Variants in RBFOX1 observed in about 807,000 individuals in gnomAD.
The protein encoded by RBFOX1 is RNA binding fox-1 homolog 1.
A neutral mutation model predicts 57.7 loss-of-function variants in RBFOX1; 8 were observed. The observed-to-expected ratio is 0.14, with a 90% CI of 0.08 to 0.25. The LOEUF is 0.25. Among genes scored for constraint, RBFOX1 ranks in the 10% least tolerant of loss-of-function variants. The pLI is 1.00. For missense variants in RBFOX1, 611 were observed against 548.5 expected (o/e 1.11, Z -1.14); for synonymous variants, 326 against 222.4 (o/e 1.47, Z -4.15).
intron 2 of RBFOX1, among the ~76,000 whole-genome samples, chr16:6,339,122 A>G (rs2084173636): frequency 6.6e-6 from 1 of 152,238 alleles, no homozygotes; most frequent in Admixed American, 6.5e-5. Flanking sequence ...GATTCATTAA[A>G]TGAATATTTT....
At chr16:6,010,154 G>A (rs1248823352) in intron 4 of RBFOX1, among the ~76,000 whole-genome samples, 1 of 152,118 alleles carries the variant, frequency 6.6e-6, no homozygotes, top group Admixed American at 6.5e-5. Flanking sequence ...GGTGTTTTCT[G>A]CTAACATGCA....
chr16:5,991,861 A>T (rs537787831), intron 4 of RBFOX1, among the ~76,000 whole-genome samples: 1 of 152,200 alleles, frequency 6.6e-6, no homozygotes, highest in South Asian at 2.1e-4. Flanking sequence ...GATATGGTGT[A>T]TCTGATGCTC....
At chr16:7,203,112 A>G (rs1008155381) in intron 4 of RBFOX1, among the ~76,000 whole-genome samples, 2 of 152,222 alleles carry the variant, frequency 1.3e-5, no homozygotes, top group Non-Finnish European at 2.9e-5. Context: ...ACTCATATTC[A>G]TAACAGCTAA....
intron 3 of RBFOX1, among the ~76,000 whole-genome samples, chr16:5,656,489 A>G (rs2049434478): frequency 6.6e-6 from 1 of 152,312 alleles, no homozygotes; most frequent in Admixed American, 6.5e-5. Context: ...TAGTTAACAT[A>G]TACAACTTGT....
At chr16:6,957,016 G>A (rs373422916) in intron 3 of RBFOX1, among the ~76,000 whole-genome samples, 15 of 151,746 alleles carry the variant, frequency 9.9e-5, no homozygotes, top group African/African-American at 3.2e-4. Context: ...ATTAAGAAAG[G>A]AAAGAAATAA....
intron 3 of RBFOX1, among the ~76,000 whole-genome samples, chr16:6,962,171 G>A (rs1453027481): frequency 6.6e-6 from 1 of 152,034 alleles, no homozygotes; most frequent in Non-Finnish European, 1.5e-5. Context: ...ACTTCCAAAT[G>A]CTCCTTGGTT....
intron 3 of RBFOX1, among the ~76,000 whole-genome samples, chr16:5,853,117 G>A (rs2056938038): frequency 6.7e-6 from 1 of 150,340 alleles, no homozygotes; most frequent in Admixed American, 6.6e-5. Context: ...TGTAGAGAAA[G>A]GAGGCAGCCA....
intron 4 of RBFOX1, among the ~76,000 whole-genome samples, chr16:7,283,171 T>A (rs2095581441): frequency 6.6e-6 from 1 of 152,078 alleles, no homozygotes; most frequent in Non-Finnish European, 1.5e-5. Context: ...TTAAGGAATC[T>A]CCACATGATT....
chr16:5,607,893 T>C (rs1171499729), intron 3 of RBFOX1, among the ~76,000 whole-genome samples: 1 of 152,244 alleles, frequency 6.6e-6, no homozygotes, highest in African/African-American at 2.4e-5. Context: ...GGACAGGATT[T>C]CATTGTATGA....
At chr16:6,042,376 G>A (rs1050504909) in intron 1 of RBFOX1, among the ~76,000 whole-genome samples, 3 of 152,104 alleles carry the variant, frequency 2.0e-5, no homozygotes, top group Admixed American at 2.0e-4. Flanking sequence ...TGGGATTACA[G>A]GCATGAGCCA....
At chr16:5,682,635 T>C (rs962225867) in intron 3 of RBFOX1, among the ~76,000 whole-genome samples, 1 of 152,184 alleles carries the variant, frequency 6.6e-6, no homozygotes, top group Non-Finnish European at 1.5e-5. Flanking sequence ...AGTTTCATAA[T>C]AGATAAGCAA....
At chr16:7,481,604 A>C (rs1197127912) in intron 4 of RBFOX1, among the ~76,000 whole-genome samples, 1 of 152,324 alleles carries the variant, frequency 6.6e-6, no homozygotes, top group East Asian at 1.9e-4. Context: ...TCTTGCAGAT[A>C]ACTACAGCAA....
chr16:5,493,757 G>A (rs1361907721), intron 2 of RBFOX1, among the ~76,000 whole-genome samples: 17 of 152,196 alleles, frequency 1.1e-4, no homozygotes, highest in Admixed American at 6.5e-4. Flanking sequence ...TGAAAACTTT[G>A]TCTTCACTTC....
At chr16:7,260,693 TGAGAA>T (rs2094884741) in intron 4 of RBFOX1, among the ~76,000 whole-genome samples, 1 of 144,978 alleles carries the variant, frequency 6.9e-6, no homozygotes, top group Admixed American at 7.3e-5. Context: ...AATGTTCTAA[TGAGAA>T]TATTTTCCAC....
At chr16:7,344,130 T>C in intron 4 of RBFOX1, among the ~76,000 whole-genome samples, 1 of 133,412 alleles carries the variant, frequency 7.5e-6, no homozygotes, top group African/African-American at 2.8e-5. Context: ...TTTTTTTAAC[T>C]CCTAAGCTAC....
chr16:6,138,734 G>T (rs1158670024), intron 1 of RBFOX1, among the ~76,000 whole-genome samples: 1 of 152,102 alleles, frequency 6.6e-6, no homozygotes, highest in Non-Finnish European at 1.5e-5. Context: ...AGGGTTGGTG[G>T]CAGGCACCTG....
intron 4 of RBFOX1, among the ~76,000 whole-genome samples, chr16:7,278,001 A>C (rs2095473252): frequency 1.3e-5 from 2 of 152,094 alleles, no homozygotes; most frequent in African/African-American, 4.8e-5. Flanking sequence ...AAGAGGCAAG[A>C]ATTCTGTCAG....
chr16:7,290,735 G>A (rs138379869), intron 4 of RBFOX1, among the ~76,000 whole-genome samples: 43 of 152,306 alleles, frequency 2.8e-4, no homozygotes, highest in Admixed American at 9.8e-4. Flanking sequence ...GTGCGTGTCC[G>A]TGTGTACAGG....
chr16:5,645,666 A>G (rs1308797207), intron 3 of RBFOX1, among the ~76,000 whole-genome samples: 1 of 152,142 alleles, frequency 6.6e-6, no homozygotes, highest in African/African-American at 2.4e-5. Context: ...ATGTATTTAC[A>G]TACGTATTTT....
Sources: allele counts gnomAD v4.1 joint callset (sites outside exome capture counted in the v4.1 genomes callset), GRCh38; gene constraint gnomAD v4.1.1; transcripts MANE v1.5; gene names NCBI Gene and HGNC (gene_info 2026-07-23, HGNC 2026-07-21).